The following TECTA variants were observed in gnomAD, a reference collection of about 807,000 sequenced individuals.
TECTA encodes alpha-tectorin.
A neutral mutation model predicts 216.8 loss-of-function variants in TECTA; 128 were observed. That is an observed-to-expected ratio of 0.59 (90% confidence interval 0.51 to 0.68). The LOEUF (loss-of-function observed/expected upper bound fraction) is 0.68, where lower values mean the gene tolerates loss of function less well. Ranked by LOEUF, TECTA falls within the 30% of genes least tolerant of loss-of-function variation. The probability of loss-of-function intolerance (pLI) is 0.00; values close to 1 mark genes in which losing one functional copy is unlikely to be tolerated. For synonymous variants in TECTA, 1,089 were observed against 1,117.1 expected (o/e 0.97, Z 0.50); for missense variants, 2,551 against 2,786.2 (o/e 0.92, Z 1.90).
chr11:121,126,375 AAAG>A (rs1946612577), intron 8 of TECTA, among the ~76,000 whole-genome samples: 1 of 152,234 alleles, frequency 6.6e-6, no homozygotes, highest in South Asian at 2.1e-4. Context: ...GCATATGAGT[AAAG>A]AAGCCCTTTT....
At chr11:121,165,564 A>G (rs1358219335) in intron 17 of TECTA, among the ~76,000 whole-genome samples, 181 bp downstream of exon 17, 1 of 152,182 alleles carries the variant, frequency 6.6e-6, no homozygotes, top group Non-Finnish European at 1.5e-5. Flanking sequence ...CTTTTCTTCA[A>G]TACATTATAA....
intron 20 of TECTA, among the ~76,000 whole-genome samples, chr11:121,169,591 T>C (rs1947090906): frequency 6.6e-6 from 1 of 152,236 alleles, no homozygotes; most frequent in Admixed American, 6.5e-5. Flanking sequence ...GCAAAGATAA[T>C]TTATAATACA....
chr11:121,175,155 T>C (rs1028946041), intron 20 of TECTA, among the ~76,000 whole-genome samples: 14 of 150,962 alleles, frequency 9.3e-5, no homozygotes, highest in Non-Finnish European at 1.3e-4. Flanking sequence ...CCTGGATTCA[T>C]TAATTTTTTG....
At chr11:121,112,649 G>C (rs1291597658) in intron 4 of TECTA, among the ~76,000 whole-genome samples, 1 of 152,178 alleles carries the variant, frequency 6.6e-6, no homozygotes. Context: ...ACACGGACTG[G>C]TATCTGCTCC....
chr11:121,112,829 G>A (rs1273235659), intron 4 of TECTA, among the ~76,000 whole-genome samples: 3 of 152,244 alleles, frequency 2.0e-5, no homozygotes, highest in Non-Finnish European at 2.9e-5. Context: ...ATAAGTGGGC[G>A]CTGAGTCAGA....
rs1054966959 is a variant in TECTA at position 121,173,867 on chromosome 11, G to A, written c.5999+4942G>A. On this transcript the variant is annotated intron_variant, in intron 20 of 23. Coordinates refer to ENST00000392793, the MANE Select transcript of TECTA (RefSeq NM_005422.4). ...TGTTTGTATCCTCTTTTATTTCATC[G>A]AGCAGTGGTTTGTAGTTCTCCTTGA... Among the ~76,000 whole-genome samples, 106 of 151,950 alleles carry A rather than the reference G, an allele frequency of 7.0e-4. 1 individual carries two copies. Among genetic ancestry groups the A allele is most frequent in the Middle Eastern group, 3.4e-3 (1 of 294 alleles).
intron 6 of TECTA, among the ~76,000 whole-genome samples, chr11:121,116,518 C>G (rs1462433717): frequency 6.6e-6 from 1 of 152,220 alleles, no homozygotes; most frequent in Non-Finnish European, 1.5e-5. Context: ...TACACAGTCT[C>G]CACTTTGACT....
At chr11:121,118,226 G>A in intron 6 of TECTA, 80 bp from the exon 7 acceptor site, 2 of 1,555,844 alleles carry the variant, frequency 1.3e-6, no homozygotes, top group Non-Finnish European at 1.8e-6. Flanking sequence ...TGGTATAATG[G>A]AAGTAAAGCA....
intron 11 of TECTA, 144 bp from the exon 12 acceptor site, chr11:121,145,411 A>C: frequency 1.2e-6 from 1 of 811,882 alleles, no homozygotes. Context: ...GTTGACTGAC[A>C]TAAACAACAG....
At chr11:121,143,296 T>C (rs1419390917) in intron 11 of TECTA, among the ~76,000 whole-genome samples, 1 of 152,196 alleles carries the variant, frequency 6.6e-6, no homozygotes, top group Non-Finnish European at 1.5e-5. Context: ...CAGCACTAAA[T>C]TGCTGTAATT....
At chr11:121,160,043 G>A (rs775467407) in intron 14 of TECTA, 92 bp from the exon 15 acceptor site, 183 of 1,518,636 alleles carry the variant, frequency 1.2e-4, no homozygotes, top group East Asian at 2.3e-4. Flanking sequence ...CAGGGCCTGC[G>A]ACACCCAAAA....
intron 20 of TECTA, among the ~76,000 whole-genome samples, chr11:121,180,021 G>A (rs1047479860): frequency 1.3e-5 from 2 of 150,824 alleles, no homozygotes; most frequent in African/African-American, 4.9e-5. Flanking sequence ...CTTTTAAGTG[G>A]GGAATTTAAT....
Position 121,162,223 on chromosome 11 carries a change from G to A in TECTA, c.5125G>A (p.Asp1709Asn), listed in dbSNP as rs369100736. The change falls in exon 16 of 24, where the codon GAT becomes AAT. Residue 1709 changes from aspartate (D) to asparagine (N), a missense_variant. Physicochemically the swap from Asp to Asn is conservative, Grantham distance 23. This residue lies in a region of TECTA where 2,375 missense variants were observed against 2,563.9 expected (regional missense o/e 0.93). Transcript: ENST00000392793. ...CTTCCAGCCCTGCTATGGGCTTCTC[G>A]ATCCCCTCCCATTCTACGAGTCCTG... Reference protein sequence around the residue: ...GFFQPCYGLLDPLPFYESCYL... With the variant: ...GFFQPCYGLLNPLPFYESCYL... 2.0e-5 allele frequency: 32 copies of A among 1,614,026 alleles called. No homozygotes were observed. The highest frequency in any genetic ancestry group is 2.3e-5 in the Non-Finnish European group (27 of 1,180,046).
At chr11:121,163,833 A>G (rs978539342) in intron 16 of TECTA, among the ~76,000 whole-genome samples, 1 of 152,156 alleles carries the variant, frequency 6.6e-6, no homozygotes, top group East Asian at 1.9e-4. Flanking sequence ...GTTGTTTGTC[A>G]TTCTCGTACA....
At position 121,147,101 on chromosome 11, in the gene TECTA, T is replaced by C. The variant is rs1375863727; in HGVS notation, c.4105+985T>C. On this transcript the variant is annotated intron_variant, in intron 12 of 23. Coordinates refer to ENST00000392793, the MANE Select transcript of TECTA (RefSeq NM_005422.4). ...TTGTGGGGGTGGGGGGGAAACACTG[T>C]TGGTCTTTAGCTAACCTGCTTTGAT... Among the ~76,000 whole-genome samples, 3 of 152,166 alleles carry C rather than the reference T, an allele frequency of 2.0e-5. No individual in the cohort carries two copies. In the South Asian group the frequency reaches 6.2e-4, roughly 32 times the overall value.
chr11:121,127,707 G>C lies in TECTA; in HGVS notation c.1775-45G>C. 1 of 1,607,394 alleles carries C rather than the reference G, an allele frequency of 6.2e-7. No individual in the cohort carries two copies. Among genetic ancestry groups the C allele is most frequent in the Non-Finnish European group, 8.5e-7 (1 of 1,174,106 alleles). On this transcript the variant is annotated intron_variant, in intron 8 of 23. Transcript: ENST00000392793. The surrounding 1 kb of genome is among the most constrained non-coding windows in gnomAD (Gnocchi z 5.0). ...AAGATTCTGGCGGGTTAGCACTCCG[G>C]GTCCATTCACCTTGTTATCGGCTCT... is the stretch of plus-strand genomic sequence containing the variant.
At chr11:121,118,281 T>C in intron 6 of TECTA, 25 bp from the exon 7 acceptor site, 1 of 1,613,796 alleles carries the variant, frequency 6.2e-7, no homozygotes, top group South Asian at 1.1e-5. Context: ...CAGTAAATGT[T>C]GGCTCTAATG....
At position 121,153,126 on chromosome 11, in the gene TECTA, T is replaced by C. The variant is rs777606745; in HGVS notation, c.4305+46T>C. ...CTTTTCCTCCTTGCCAATGATCAGATTCCTCTCCAACTCTAAGAGGTTGGT... is the reference window on the plus strand; with the variant it reads ...CTTTTCCTCCTTGCCAATGATCAGACTCCTCTCCAACTCTAAGAGGTTGGT... On this transcript the variant is annotated intron_variant, in intron 13 of 23. Transcript: ENST00000392793. 79 of 1,582,532 alleles carry C rather than the reference T, an allele frequency of 5.0e-5. No individual in the cohort carries two copies. The Admixed American group carries it at 1.4e-3, about 27-fold the overall frequency.
intron 10 of TECTA, among the ~76,000 whole-genome samples, chr11:121,132,055 A>C (rs1047701751): frequency 5.9e-5 from 9 of 152,194 alleles, no homozygotes; most frequent in African/African-American, 2.2e-4. Flanking sequence ...TTAGGTAGCT[A>C]TTCTATTCCT....
Sources: allele counts gnomAD v4.1 joint callset (sites outside exome capture counted in the v4.1 genomes callset), GRCh38; gene constraint gnomAD v4.1.1; regional missense constraint gnomAD v4.1.1; non-coding constraint Gnocchi (gnomAD v3.1); transcripts MANE v1.5; gene names NCBI Gene and HGNC (gene_info 2026-07-23, HGNC 2026-07-21).